Variants in COA1 observed in about 807,000 individuals in gnomAD.
The protein encoded by COA1 is cytochrome c oxidase assembly factor 1, also known as cytochrome c oxidase assembly factor 1 homolog.
In COA1, 13 loss-of-function variants were observed where a neutral mutation model predicts 16.0. The ratio of observed to expected loss-of-function variants is 0.81; its 90% confidence interval spans 0.53 to 1.29. COA1 has a LOEUF of 1.29. Among genes scored for constraint, COA1 ranks in the 50% most tolerant of loss-of-function variants. The pLI, the probability that COA1 is intolerant of heterozygous loss-of-function variation, is 0.00. For missense variants in COA1, 179 were observed against 177.0 expected (o/e 1.01, Z -0.06); for synonymous variants, 65 against 65.7 (o/e 0.99, Z 0.05).
intron 1 of COA1, among the ~76,000 whole-genome samples, chr7:43,676,149 T>G (rs1302914270): frequency 6.6e-6 from 1 of 152,182 alleles, no homozygotes; most frequent in East Asian, 1.9e-4. Context: ...GTACGATTAG[T>G]ATCCACTTTG....
At chr7:43,679,282 A>G (rs2093664150) in intron 1 of COA1, among the ~76,000 whole-genome samples, 1 of 151,938 alleles carries the variant, frequency 6.6e-6, no homozygotes, top group Admixed American at 6.6e-5. Flanking sequence ...AAAAAAAAAA[A>G]AAAATGCTAA....
At chr7:43,626,704 G>C (rs1413510192) in intron 6 of COA1, 1 of 152,180 alleles carries the variant, frequency 6.6e-6, no homozygotes. Context: ...GTACTTGATG[G>C]ATCTGTCATC....
intron 1 of COA1, among the ~76,000 whole-genome samples, chr7:43,663,545 T>C (rs1296012187): frequency 1.3e-5 from 2 of 151,220 alleles, no homozygotes; most frequent in African/African-American, 4.9e-5. Flanking sequence ...GTGCCTGTGG[T>C]CCCAGCTACT....
chr7:43,726,940 A>G (rs2095628656), intron 1 of COA1, among the ~76,000 whole-genome samples: 1 of 152,260 alleles, frequency 6.6e-6, no homozygotes. Flanking sequence ...GATGCTCAAC[A>G]TCATTAGCCA....
chr7:43,658,553 C>T (rs185214671), intron 1 of COA1, among the ~76,000 whole-genome samples: 1 of 151,998 alleles, frequency 6.6e-6, no homozygotes, highest in Non-Finnish European at 1.5e-5. Flanking sequence ...TTCTTAAGAC[C>T]AAATAACATA....
At chr7:43,658,888 G>A (rs17172238) in intron 1 of COA1, 18,044 of 152,430 alleles carry the variant, frequency 0.12, 1,146 homozygotes, top group Admixed American at 0.19. Flanking sequence ...AGGCAGGCTC[G>A]TGAATGAGGT....
At chr7:43,634,916 C>G (rs2085609193), downstream of COA1, among the ~76,000 whole-genome samples, 1 of 152,162 alleles carries the variant, frequency 6.6e-6, no homozygotes, top group African/African-American at 2.4e-5. Flanking sequence ...GAAATCGATG[C>G]TGTGTTATTC....
intron 1 of COA1, among the ~76,000 whole-genome samples, chr7:43,702,923 T>A (rs2094809080): frequency 6.6e-6 from 1 of 152,194 alleles, no homozygotes. Context: ...TTTCTAGAGT[T>A]CCTCTAGGTG....
intron 1 of COA1, among the ~76,000 whole-genome samples, chr7:43,702,910 G>C (rs1435487993): frequency 6.6e-6 from 1 of 152,026 alleles, no homozygotes; most frequent in African/African-American, 2.4e-5. Context: ...GTTTGCTCTT[G>C]TTTTTCTAGA....
intron 6 of COA1, among the ~76,000 whole-genome samples, chr7:43,621,686 A>G (rs1230335709): frequency 2.0e-5 from 3 of 152,072 alleles, no homozygotes; most frequent in African/African-American, 7.2e-5. Context: ...TGCCCAGGCT[A>G]GTGATTTGTT....
chr7:43,653,379 G>A (rs1481402557), intron 1 of COA1, among the ~76,000 whole-genome samples: 1 of 152,080 alleles, frequency 6.6e-6, no homozygotes, highest in Non-Finnish European at 1.5e-5. Flanking sequence ...TTTGAAGAAT[G>A]AAATGTCTCA....
At chr7:43,619,815 C>T in intron 6 of COA1, 4 of 1,419,242 alleles carry the variant, frequency 2.8e-6, no homozygotes, top group Non-Finnish European at 2.9e-6. Flanking sequence ...GTGGAGCCAG[C>T]TATCTACTAT....
At chr7:43,699,737 T>C (rs1383353995) in intron 1 of COA1, among the ~76,000 whole-genome samples, 1 of 152,194 alleles carries the variant, frequency 6.6e-6, no homozygotes, top group Non-Finnish European at 1.5e-5. Flanking sequence ...AACAGTATCA[T>C]TTCAGAACTA....
downstream of COA1, among the ~76,000 whole-genome samples, chr7:43,635,372 AG>A (rs2085697261): frequency 6.6e-6 from 1 of 152,064 alleles, no homozygotes; most frequent in Non-Finnish European, 1.5e-5. Flanking sequence ...GGTAACAAAT[AG>A]CCCCCCATCT....
intron 6 of COA1, chr7:43,632,945 TTTG>T (rs1426034721): frequency 6.6e-6 from 1 of 152,210 alleles, no homozygotes; most frequent in African/African-American, 2.4e-5. Flanking sequence ...TCATCCAGGC[TTTG>T]TTGTTGCGTT....
At chr7:43,682,250 T>A (rs560023701) in intron 1 of COA1, among the ~76,000 whole-genome samples, 3 of 152,330 alleles carry the variant, frequency 2.0e-5, no homozygotes, top group African/African-American at 7.2e-5. Flanking sequence ...TTTCTTAGTC[T>A]ACTCCAATGT....
chr7:43,674,217 C>T (rs145282501), intron 1 of COA1, among the ~76,000 whole-genome samples: 211 of 152,294 alleles, frequency 1.4e-3, no homozygotes, highest in African/African-American at 4.9e-3. Context: ...CTTTCTCCCC[C>T]ACCCAATAGC....
chr7:43,714,039 A>G (rs543749287), intron 1 of COA1, among the ~76,000 whole-genome samples: 16 of 151,606 alleles, frequency 1.1e-4, no homozygotes, highest in Admixed American at 3.3e-4. Flanking sequence ...AGATGGCAGG[A>G]AAAAAAAATT....
rs73314299 is a variant in COA1 at position 43,700,472 on chromosome 7, C to T, written c.-39+28957G>A. The stretch of plus-strand genomic sequence containing the variant: ...CGGCCTGAGATTTCAAATACGTTAC[C>T]ATCACAGAAAAAAACTGACAAAGAT... On this transcript the variant is annotated intron_variant, in intron 1 of 5. Coordinates refer to ENST00000223336, the MANE Select transcript of COA1 (RefSeq NM_018224.4). Among the ~76,000 whole-genome samples the T allele has an allele frequency of 9.1e-3, 1,377 of 151,162 alleles. 20 individuals carry two copies. The highest frequency in any genetic ancestry group is 0.031 in the African/African-American group (1,289 of 41,224).
Sources: gnomAD v4.1 joint callset for allele counts (sites outside exome capture counted in the v4.1 genomes callset) on GRCh38, gnomAD v4.1.1 for gene constraint, MANE v1.5 for transcripts, NCBI Gene and HGNC (gene_info 2026-07-23, HGNC 2026-07-21) for gene names.